Variants in HS2ST1 observed in about 807,000 individuals in gnomAD.
HS2ST1 encodes the protein heparan sulfate 2-O-sulfotransferase 1, also known as 2-O-sulfotransferase.
Under a neutral mutation model 42.9 loss-of-function variants are expected in HS2ST1, and 18 were observed. The ratio of observed to expected loss-of-function variants is 0.42; its 90% CI spans 0.29 to 0.62. The LOEUF (loss-of-function observed/expected upper bound fraction) is 0.62, where lower values mean the gene tolerates loss of function less well. Among genes scored for constraint, HS2ST1 ranks in the 20% least tolerant of loss-of-function variants. HS2ST1 has a pLI of 0.21. For missense variants in HS2ST1, 334 were observed against 433.8 expected, an observed-to-expected ratio of 0.77 and a Z score of 2.04; for synonymous variants, 146 against 152.9, an observed-to-expected ratio of 0.95 and a Z score of 0.33.
At chr1:86,985,529 T>C (rs76375088) in intron 1 of HS2ST1, among the ~76,000 whole-genome samples, 7 of 15,812 alleles carry the variant, frequency 4.4e-4, no homozygotes, top group African/African-American at 6.3e-4. Context: ...CACATATATA[T>C]ACATATATAT....
chr1:86,986,244 T>G (rs1165091324), intron 1 of HS2ST1, among the ~76,000 whole-genome samples: 1 of 152,148 alleles, frequency 6.6e-6, no homozygotes, highest in Non-Finnish European at 1.5e-5. Context: ...AATATTTATC[T>G]ATGTAAATTT....
rs1211561965 is a variant in HS2ST1 at position 87,001,801 on chromosome 1, C to T, written c.125-71133C>T. ...GCTAATTTTGTATATTTAGTAGAGA[C>T]CAGGTTTCTCCATGTTGATCAGGCT... On this transcript the variant is annotated intron_variant, in intron 1 of 6. Transcript: ENST00000370550. Among the ~76,000 whole-genome samples, 4 of 151,510 alleles carry T rather than the reference C, an allele frequency of 2.6e-5. No homozygotes were observed. In the South Asian group the frequency reaches 8.4e-4, roughly 32 times the overall value.
chr1:86,988,437 C>T (rs969185398), intron 1 of HS2ST1, among the ~76,000 whole-genome samples: 2 of 152,318 alleles, frequency 1.3e-5, no homozygotes, highest in East Asian at 1.9e-4. Context: ...AGCCTCCTTA[C>T]ATGCTGTTAG....
intron 1 of HS2ST1, among the ~76,000 whole-genome samples, chr1:86,947,613 T>G (rs912860368): frequency 8.5e-5 from 13 of 152,196 alleles, no homozygotes; most frequent in African/African-American, 2.9e-4. Flanking sequence ...GTGAAAACAT[T>G]TATCCTCCAT....
Position 87,109,578 on chromosome 1 carries a change from T to G in HS2ST1, c.*4882T>G, listed in dbSNP as rs1464779394. ...CATTTCTGATTTTTTTTTTCCCCCT[T>G]AAAGAAGAAAGTCTCAATTCCATTG... On this transcript the variant is annotated 3_prime_UTR_variant, in exon 7 of 7. Coordinates refer to ENST00000370550, the MANE Select transcript of HS2ST1 (RefSeq NM_012262.4). The G allele has an allele frequency of 1.3e-5, 2 of 152,106 alleles. No homozygotes were observed. The highest frequency in any genetic ancestry group is 2.9e-5 in the Non-Finnish European group (2 of 67,974). The allele number at this position is 152,106 out of a possible 1,614,324, so 9.4% of individuals were successfully genotyped here.
At chr1:87,061,994 T>C (rs993394557) in intron 1 of HS2ST1, among the ~76,000 whole-genome samples, 7 of 152,040 alleles carry the variant, frequency 4.6e-5, no homozygotes, top group Non-Finnish European at 8.8e-5. Flanking sequence ...TGGTACTTTG[T>C]TGTGGTTTTG....
rs570558411 is a variant in HS2ST1, at chr1:87,058,300, C to A, written c.125-14634C>A. 5.3e-5 allele frequency among the ~76,000 whole-genome samples: 8 copies of A among 151,674 alleles called. 1 individual carries two copies. The highest frequency in any genetic ancestry group is 1.3e-4 in the Admixed American group (2 of 15,254). On this transcript the variant is annotated intron_variant, in intron 1 of 6. Transcript: ENST00000370550. The stretch of plus-strand genomic sequence containing the variant: ...TTGCACTACTAATTATTTGAAAGCC[C>A]GTTCTCTCTTGAGCCACAGTCATAT...
intron 5 of HS2ST1, among the ~76,000 whole-genome samples, chr1:87,102,605 A>C (rs1390712445): frequency 6.6e-6 from 1 of 152,216 alleles, no homozygotes; most frequent in Non-Finnish European, 1.5e-5. Context: ...TTTATATAAA[A>C]AGTTTGCCAA....
intron 1 of HS2ST1, chr1:86,932,259 C>T (rs1168168387): frequency 1.3e-5 from 2 of 151,992 alleles, no homozygotes; most frequent in Non-Finnish European, 2.9e-5. Context: ...AATTTGATCA[C>T]ATGAGAGTAG....
intron 1 of HS2ST1, among the ~76,000 whole-genome samples, chr1:86,991,822 A>G (rs1248540097): frequency 6.6e-6 from 1 of 152,186 alleles, no homozygotes; most frequent in Non-Finnish European, 1.5e-5. Flanking sequence ...ACTCACATTA[A>G]CATATTAATA....
chr1:87,035,347 A>G (rs1279195855), intron 1 of HS2ST1, among the ~76,000 whole-genome samples: 4 of 152,220 alleles, frequency 2.6e-5, no homozygotes, highest in African/African-American at 9.7e-5. Context: ...TCTTTTAAAT[A>G]TATCTTTCTT....
intron 1 of HS2ST1, among the ~76,000 whole-genome samples, chr1:86,971,986 A>G (rs1029801423): frequency 2.0e-5 from 3 of 152,206 alleles, no homozygotes; most frequent in Non-Finnish European, 4.4e-5. Context: ...ATGAATCACT[A>G]TGTCACCACA....
At chr1:86,999,686 T>C (rs1432164091) in intron 1 of HS2ST1, among the ~76,000 whole-genome samples, 1 of 68,076 alleles carries the variant, frequency 1.5e-5, no homozygotes, top group Non-Finnish European at 3.8e-5. Context: ...CTTTTCAAAT[T>C]ATGCTTTCCC....
intron 2 of HS2ST1, among the ~76,000 whole-genome samples, chr1:87,074,684 T>C (rs556001896): frequency 6.6e-5 from 10 of 152,018 alleles, no homozygotes; most frequent in African/African-American, 2.4e-4. Context: ...TTGTTGGTTA[T>C]GTATAGGAAA....
At chr1:87,078,021 G>C (rs1651587547) in intron 2 of HS2ST1, among the ~76,000 whole-genome samples, 1 of 152,048 alleles carries the variant, frequency 6.6e-6, no homozygotes, top group Non-Finnish European at 1.5e-5. Context: ...TTTCTCCCTG[G>C]CTTAGTCTCA....
At chr1:87,035,930 A>G (rs1421002834) in intron 1 of HS2ST1, among the ~76,000 whole-genome samples, 1 of 151,884 alleles carries the variant, frequency 6.6e-6, no homozygotes, top group Non-Finnish European at 1.5e-5. Flanking sequence ...CCATCAACCC[A>G]TCATCTACAA....
intron 2 of HS2ST1, among the ~76,000 whole-genome samples, chr1:87,078,651 T>C (rs1266780445): frequency 6.6e-6 from 1 of 152,234 alleles, no homozygotes; most frequent in Non-Finnish European, 1.5e-5. Context: ...TAAGTTTTGC[T>C]CCTTTTTTGG....
At chr1:87,014,475 G>C (rs111823121) in intron 1 of HS2ST1, among the ~76,000 whole-genome samples, 2,127 of 152,300 alleles carry the variant, frequency 0.014, 54 homozygotes, top group African/African-American at 0.049. Flanking sequence ...GCTGCAATTT[G>C]AGATGTGATT....
intron 1 of HS2ST1, among the ~76,000 whole-genome samples, chr1:87,047,153 C>CT (rs954735003): frequency 1.2e-3 from 185 of 152,254 alleles, no homozygotes; most frequent in Non-Finnish European, 2.4e-3. Context: ...TTTAGCCATT[C>CT]TTACAAATTT....
Sources: allele counts gnomAD v4.1 joint callset (sites outside exome capture counted in the v4.1 genomes callset), GRCh38; gene constraint gnomAD v4.1.1; transcripts MANE v1.5; gene names NCBI Gene and HGNC (gene_info 2026-07-23, HGNC 2026-07-21).